DSCAM: variants seen among roughly 807,000 people sequenced by gnomAD.
The protein encoded by DSCAM is DS cell adhesion molecule.
A neutral mutation model predicts 217.7 loss-of-function variants in DSCAM; 47 were observed. The observed-to-expected ratio is 0.22, with a 90% CI of 0.17 to 0.28. DSCAM has a LOEUF of 0.28. DSCAM is among the 10% of genes least tolerant of loss of function. DSCAM has a pLI of 1.00. For missense variants in DSCAM, 2,080 were observed against 2,618.3 expected (o/e 0.79, Z 4.49); for synonymous variants, 1,056 against 1,015.3 (o/e 1.04, Z -0.76).
chr21:40,035,885 G>A (rs1158970979), intron 32 of DSCAM, among the ~76,000 whole-genome samples: 1 of 147,874 alleles, frequency 6.8e-6, no homozygotes, highest in Non-Finnish European at 1.5e-5. Flanking sequence ...TCAACTACAT[G>A]GAAACTGAAC....
chr21:40,153,037 T>C (rs527350234), intron 16 of DSCAM, among the ~76,000 whole-genome samples: 5 of 152,398 alleles, frequency 3.3e-5, no homozygotes, highest in South Asian at 2.1e-4. Context: ...ATTTTCTTTA[T>C]AGATTCCTCC....
chr21:40,231,038 A>C (rs1442152328), intron 11 of DSCAM, among the ~76,000 whole-genome samples: 1 of 147,846 alleles, frequency 6.8e-6, no homozygotes. Context: ...AACTTAGATC[A>C]TATAGGTAGG....
intron 3 of DSCAM, among the ~76,000 whole-genome samples, chr21:40,538,709 C>T (rs1192862330): frequency 1.3e-5 from 2 of 152,134 alleles, no homozygotes; most frequent in African/African-American, 4.8e-5. Context: ...CTAATAAAGT[C>T]ATCAAGGCCG....
At chr21:40,776,484 A>G (rs1032056653) in intron 1 of DSCAM, among the ~76,000 whole-genome samples, 1 of 152,222 alleles carries the variant, frequency 6.6e-6, no homozygotes, top group Non-Finnish European at 1.5e-5. Flanking sequence ...CTGAGATAAT[A>G]CAAGAGGGTA....
chr21:40,262,023 TTCCC>T (rs140125965), intron 11 of DSCAM, among the ~76,000 whole-genome samples: 1 of 152,006 alleles, frequency 6.6e-6, no homozygotes, highest in African/African-American at 2.4e-5. Flanking sequence ...CTCTCTCTCT[TTCCC>T]TCCCTCCCTC....
At chr21:40,330,415 T>TATAG (rs2074365933) in intron 8 of DSCAM, among the ~76,000 whole-genome samples, 1 of 147,600 alleles carries the variant, frequency 6.8e-6, no homozygotes, top group African/African-American at 2.5e-5. Flanking sequence ...CATATATATA[T>TATAG]ATATAGCATT....
chr21:40,211,301 C>T (rs111312648), intron 11 of DSCAM, among the ~76,000 whole-genome samples: 2,315 of 152,206 alleles, frequency 0.015, 59 homozygotes, highest in African/African-American at 0.051. Context: ...GTTGTTGTTG[C>T]TGTTTGTCCA....
intron 11 of DSCAM, among the ~76,000 whole-genome samples, chr21:40,262,333 T>C (rs563122263): frequency 4.5e-4 from 68 of 152,264 alleles, no homozygotes; most frequent in African/African-American, 1.3e-3. Context: ...CACCATGTCA[T>C]GCTTTATGCA....
intron 3 of DSCAM, among the ~76,000 whole-genome samples, chr21:40,640,909 G>A (rs1349765684): frequency 6.6e-6 from 1 of 152,054 alleles, no homozygotes; most frequent in Non-Finnish European, 1.5e-5. Context: ...GAACTTCTAC[G>A]GTGTTTTACA....
chr21:40,540,465 G>A (rs540210251), intron 3 of DSCAM, among the ~76,000 whole-genome samples: 1 of 152,278 alleles, frequency 6.6e-6, no homozygotes, highest in Admixed American at 6.5e-5. Context: ...ACTGCGCTGT[G>A]AATCTCTGGA....
chr21:40,284,676 C>T (rs950584466), intron 10 of DSCAM, among the ~76,000 whole-genome samples: 3 of 152,138 alleles, frequency 2.0e-5, no homozygotes, highest in East Asian at 3.9e-4. Flanking sequence ...TTAGCAGTGA[C>T]GGGAGAAGCA....
intron 3 of DSCAM, among the ~76,000 whole-genome samples, chr21:40,590,368 C>A (rs1250272322): frequency 6.6e-6 from 1 of 152,200 alleles, no homozygotes; most frequent in East Asian, 1.9e-4. Flanking sequence ...AGCCATGGAG[C>A]CCCTGCAGGG....
rs528236083 is a variant in DSCAM at position 40,533,964 on chromosome 21, G to C, written c.508+158846C>G. Among the ~76,000 whole-genome samples the C allele has an allele frequency of 3.2e-4, 48 of 152,242 alleles. 1 individual carries two copies. The South Asian group carries it at 9.3e-3, about 30-fold the overall frequency. ...TTCTGTTACTAATACCTGATGTGCT[G>C]CAAGTATGATCTCATTTTAAAATGG... On this transcript the variant is annotated intron_variant, in intron 3 of 32. Transcript: ENST00000400454.
At chr21:40,475,185 A>G (rs1416097977) in intron 3 of DSCAM, among the ~76,000 whole-genome samples, 1 of 152,240 alleles carries the variant, frequency 6.6e-6, no homozygotes, top group Non-Finnish European at 1.5e-5. Context: ...GTGCATTAGC[A>G]CTTCAGCTGG....
intron 1 of DSCAM, among the ~76,000 whole-genome samples, chr21:40,827,468 C>CAAAAAAAAA (rs55906607): frequency 7.0e-5 from 4 of 57,116 alleles, no homozygotes; most frequent in African/African-American, 1.2e-4. Flanking sequence ...GTCCATGTCT[C>CAAAAAAAAA]AAAAAAAAAA....
intron 8 of DSCAM, among the ~76,000 whole-genome samples, chr21:40,335,371 T>A (rs2074419734): frequency 6.6e-6 from 1 of 152,198 alleles, no homozygotes; most frequent in Non-Finnish European, 1.5e-5. Flanking sequence ...ATAGAATTAT[T>A]TCCTAAAATC....
intron 3 of DSCAM, among the ~76,000 whole-genome samples, chr21:40,377,420 C>T (rs1359604363): frequency 6.6e-6 from 1 of 151,732 alleles, no homozygotes; most frequent in Non-Finnish European, 1.5e-5. Context: ...GCCATGAGCA[C>T]AGAAAGAAAT....
intron 3 of DSCAM, among the ~76,000 whole-genome samples, chr21:40,610,479 C>T (rs1027978764): frequency 6.6e-6 from 1 of 152,196 alleles, no homozygotes; most frequent in African/African-American, 2.4e-5. Context: ...AGAGTAGAAG[C>T]GGCTTCCAGC....
At chr21:40,280,713 C>T (rs555880981) in intron 10 of DSCAM, among the ~76,000 whole-genome samples, 122 of 152,252 alleles carry the variant, frequency 8.0e-4, no homozygotes, top group South Asian at 3.5e-3. Flanking sequence ...ATGTAGCCTT[C>T]GTTTTTATGC....
Sources: gnomAD v4.1 joint callset for allele counts (sites outside exome capture counted in the v4.1 genomes callset) on GRCh38, gnomAD v4.1.1 for gene constraint, MANE v1.5 for transcripts, NCBI Gene and HGNC (gene_info 2026-07-23, HGNC 2026-07-21) for gene names.